Variants in EYA1 observed in about 807,000 individuals in gnomAD.
EYA1 encodes the protein EYA transcriptional coactivator and phosphatase 1, also known as protein phosphatase EYA1.
Under a neutral mutation model 82.0 loss-of-function variants are expected in EYA1, and 16 were observed. That is an observed-to-expected ratio of 0.20 (90% CI 0.13 to 0.30). The LOEUF (loss-of-function observed/expected upper bound fraction) is 0.30. Ranked by LOEUF, EYA1 falls within the 10% of genes least tolerant of loss-of-function variation. The pLI is 1.00. For synonymous variants in EYA1, 261 were observed against 264.4 expected, an observed-to-expected ratio of 0.99 and a Z score of 0.12; for missense variants, 633 against 730.7, an observed-to-expected ratio of 0.87 and a Z score of 1.54.
chr8:71,370,187 A>C (rs1266646462), intron 2 of EYA1, among the ~76,000 whole-genome samples: 1 of 151,988 alleles, frequency 6.6e-6, no homozygotes, highest in Non-Finnish European at 1.5e-5. Flanking sequence ...AGTACTCAAT[A>C]GGATGAAAGT....
At chr8:71,415,588 T>C (rs1456295386) in intron 2 of EYA1, among the ~76,000 whole-genome samples, 1 of 152,194 alleles carries the variant, frequency 6.6e-6, no homozygotes, top group African/African-American at 2.4e-5. Context: ...CAAATGTTAG[T>C]CTGGGAATCA....
chr8:71,226,577 T>C (rs1810581289), intron 12 of EYA1, among the ~76,000 whole-genome samples: 2 of 150,584 alleles, frequency 1.3e-5, no homozygotes, highest in African/African-American at 4.9e-5. Context: ...AATAAACTTT[T>C]AAACAAAATG....
intron 7 of EYA1, among the ~76,000 whole-genome samples, chr8:71,314,203 A>G (rs1230347031): frequency 2.0e-5 from 3 of 152,210 alleles, no homozygotes; most frequent in African/African-American, 7.2e-5. Context: ...AGAAATTGCT[A>G]TATTAAAAAA....
At chr8:71,304,522 C>T (rs80098561) in intron 7 of EYA1, among the ~76,000 whole-genome samples, 3,821 of 142,750 alleles carry the variant, frequency 0.027, 414 homozygotes, top group African/African-American at 0.089. Context: ...CCTGGGCTTC[C>T]CTTTCAGACA....
chr8:71,466,166 G>A (rs1808756399), intron 2 of EYA1, among the ~76,000 whole-genome samples: 2 of 152,212 alleles, frequency 1.3e-5, no homozygotes, highest in East Asian at 1.9e-4. Context: ...CAGCTTTGAT[G>A]GCCTCAGAAA....
intron 2 of EYA1, among the ~76,000 whole-genome samples, chr8:71,494,566 T>G (rs1811271436): frequency 1.3e-5 from 2 of 152,120 alleles, no homozygotes; most frequent in South Asian, 4.1e-4. Flanking sequence ...GCAAAGGAAT[T>G]TTAAGAAAAG....
rs185725430 is a variant in EYA1 at position 71,531,624 on chromosome 8, G to C, written c.33+4120C>G. Among the ~76,000 whole-genome samples the C allele has an allele frequency of 2.2e-4, 33 of 152,264 alleles. No homozygotes were observed. In the East Asian group the frequency reaches 5.6e-3, roughly 26 times the overall value. ...TAAACTAAAGAAACTGAAAGAAGCGGTTATAACTCTGCTGTTTGATGCTTG... is the reference window on the plus strand; with the variant it reads ...TAAACTAAAGAAACTGAAAGAAGCGCTTATAACTCTGCTGTTTGATGCTTG... On this transcript the variant is annotated intron_variant, in intron 2 of 18. Transcript: ENST00000643681.
At chr8:71,372,736 A>G (rs1282516886) in intron 2 of EYA1, among the ~76,000 whole-genome samples, 1 of 152,086 alleles carries the variant, frequency 6.6e-6, no homozygotes, top group Non-Finnish European at 1.5e-5. Flanking sequence ...TGAATTATTA[A>G]AAGGAATCAT....
intron 1 of EYA1, among the ~76,000 whole-genome samples, chr8:71,540,074 T>C (rs1586912434): frequency 6.6e-6 from 1 of 152,104 alleles, no homozygotes; most frequent in Non-Finnish European, 1.5e-5. Flanking sequence ...CATAAGCCTA[T>C]TAATTTTCAA....
At chr8:71,322,148 A>G in intron 5 of EYA1, 51 bp downstream of exon 5, 1 of 1,442,276 alleles carries the variant, frequency 6.9e-7, no homozygotes, top group Non-Finnish European at 9.8e-7. Context: ...TTAAATAAAT[A>G]AAAGTCTACT....
chr8:71,404,604 T>A (rs923657350), intron 2 of EYA1: 3 of 152,152 alleles, frequency 2.0e-5, no homozygotes, highest in Non-Finnish European at 4.4e-5. Context: ...CAGGAAGCGA[T>A]AATCAAATGA....
chr8:71,481,939 G>A (rs1810192695), intron 2 of EYA1, among the ~76,000 whole-genome samples: 2 of 152,164 alleles, frequency 1.3e-5, no homozygotes. Flanking sequence ...ATCAAACAAA[G>A]TAGCTTCCAT....
At chr8:71,255,169 C>G (rs1411550869) in intron 11 of EYA1, among the ~76,000 whole-genome samples, 2 of 152,168 alleles carry the variant, frequency 1.3e-5, no homozygotes, top group African/African-American at 4.8e-5. Context: ...GATGTCAATA[C>G]TATCCAAAGT....
intron 2 of EYA1, among the ~76,000 whole-genome samples, chr8:71,497,085 T>C (rs147386712): frequency 6.6e-6 from 1 of 151,994 alleles, no homozygotes; most frequent in East Asian, 1.9e-4. Flanking sequence ...ATGGGGAAAA[T>C]ATTTGCAAAC....
intron 2 of EYA1, among the ~76,000 whole-genome samples, chr8:71,393,900 A>C (rs183594656): frequency 3.0e-4 from 46 of 152,338 alleles, no homozygotes; most frequent in African/African-American, 1.1e-3. Context: ...ACCAGTTTAC[A>C]GTCCCACCAA....
intron 2 of EYA1, among the ~76,000 whole-genome samples, chr8:71,396,076 C>T (rs894557732): frequency 4.6e-5 from 7 of 152,118 alleles, no homozygotes; most frequent in Admixed American, 6.6e-5. Flanking sequence ...AGTTTATTTG[C>T]GTAGAGGTGC....
At chr8:71,274,143 T>C (rs1816859696) in intron 9 of EYA1, among the ~76,000 whole-genome samples, 2 of 152,198 alleles carry the variant, frequency 1.3e-5, no homozygotes, top group Admixed American at 1.3e-4. Context: ...AATCATGTTA[T>C]CTAAAGTTTT....
chr8:71,353,353 T>G (rs1473272013), intron 3 of EYA1, among the ~76,000 whole-genome samples: 1 of 152,214 alleles, frequency 6.6e-6, no homozygotes, highest in Non-Finnish European at 1.5e-5. Context: ...ATTTGCTCTA[T>G]AAAATCCACT....
intron 2 of EYA1, among the ~76,000 whole-genome samples, chr8:71,454,927 A>T (rs138864583): frequency 0.021 from 3,135 of 152,300 alleles, 109 homozygotes; most frequent in African/African-American, 0.071. Context: ...ATCAGAGCAG[A>T]ACTGAACGAG....
Sources: gnomAD v4.1 joint callset for allele counts (sites outside exome capture counted in the v4.1 genomes callset) on GRCh38, gnomAD v4.1.1 for gene constraint, MANE v1.5 for transcripts, NCBI Gene and HGNC (gene_info 2026-07-23, HGNC 2026-07-21) for gene names.